DSCAM: variants seen among roughly 807,000 people sequenced by gnomAD.
The protein encoded by DSCAM is DS cell adhesion molecule.
Under a neutral mutation model 217.7 loss-of-function variants are expected in DSCAM, and 47 were observed. The observed-to-expected ratio is 0.22, with a 90% CI of 0.17 to 0.28. The LOEUF is 0.28. Ranked by LOEUF, DSCAM falls within the 10% of genes least tolerant of loss-of-function variation. The pLI, the probability that DSCAM is intolerant of heterozygous loss-of-function variation, is 1.00. For synonymous variants in DSCAM, 1,056 were observed against 1,015.3 expected (o/e 1.04, Z -0.76); for missense variants, 2,080 against 2,618.3 (o/e 0.79, Z 4.49).
intron 3 of DSCAM, among the ~76,000 whole-genome samples, chr21:40,550,972 A>ATT (rs1358621121): frequency 6.6e-6 from 1 of 152,236 alleles, no homozygotes; most frequent in Non-Finnish European, 1.5e-5. Flanking sequence ...TACAGTGTAG[A>ATT]TTACAGTCCC....
intron 3 of DSCAM, among the ~76,000 whole-genome samples, chr21:40,616,071 G>GT (rs2089389798): frequency 6.6e-6 from 1 of 151,946 alleles, no homozygotes; most frequent in Non-Finnish European, 1.5e-5. Flanking sequence ...ATTACCTTGT[G>GT]TATGAGTCAG....
At chr21:40,565,208 A>G (rs2146193742) in intron 3 of DSCAM, among the ~76,000 whole-genome samples, 1 of 152,308 alleles carries the variant, frequency 6.6e-6, no homozygotes, top group East Asian at 1.9e-4. Flanking sequence ...TGAATGGCCA[A>G]TGCGGCTAAT....
Position 40,118,760 on chromosome 21 carries a change from G to A in DSCAM, c.3696+5435C>T, listed in dbSNP as rs556553140. Among the ~76,000 whole-genome samples, 54 of 152,292 alleles carry A rather than the reference G, an allele frequency of 3.5e-4. 1 individual carries two copies. In the South Asian group the frequency reaches 9.9e-3, roughly 28 times the overall value. ...GTGTTCCAAGCAACCATCTCTGGCC[G>A]TATGTTTGAGTGACACCCAGTCCGC... is the stretch of plus-strand genomic sequence containing the variant. On this transcript the variant is annotated intron_variant, in intron 20 of 32. Transcript: ENST00000400454.
intron 1 of DSCAM, among the ~76,000 whole-genome samples, chr21:40,778,116 AG>A (rs1283283247): frequency 6.6e-6 from 1 of 152,224 alleles, no homozygotes; most frequent in Non-Finnish European, 1.5e-5. Flanking sequence ...TATGCCACAA[AG>A]AAACCTGAAA....
At chr21:40,187,041 T>C in intron 14 of DSCAM, 90 bp downstream of exon 14, 9 of 1,501,296 alleles carry the variant, frequency 6.0e-6, no homozygotes, top group Non-Finnish European at 8.1e-6. Flanking sequence ...TGAGCTGAGC[T>C]GTGCGCTTAC....
intron 32 of DSCAM, among the ~76,000 whole-genome samples, chr21:40,028,721 GCGCACCCACTGTC>G (rs2088450303): frequency 6.6e-6 from 1 of 152,022 alleles, no homozygotes. Context: ...CGCACAGTGT[GCGCACCCACTGTC>G]TGGCACTCCC....
intron 3 of DSCAM, among the ~76,000 whole-genome samples, chr21:40,435,545 C>CAAAAA (rs2083325707): frequency 1.5e-5 from 1 of 65,478 alleles, no homozygotes; most frequent in Non-Finnish European, 4.1e-5. Context: ...ACTGTATCTA[C>CAAAAA]CAAAAAAAAA....
At position 40,305,909 on chromosome 21, in the gene DSCAM, T is replaced by G. The variant is rs528992336; in HGVS notation, c.2062+6172A>C. 1.6e-4 allele frequency among the ~76,000 whole-genome samples: 25 copies of G among 152,332 alleles called. No individual in the cohort carries two copies. In the East Asian group the frequency reaches 4.4e-3, roughly 27 times the overall value. ...CAGCTTTGTTCTTTTGGCTTAGGAT[T>G]GACTTGGCGACGCGGGCTCTTTTTT... On this transcript the variant is annotated intron_variant, in intron 9 of 32. Transcript: ENST00000400454.
At chr21:40,028,310 T>A (rs532185746) in intron 32 of DSCAM, among the ~76,000 whole-genome samples, 1 of 96,666 alleles carries the variant, frequency 1.0e-5, no homozygotes, top group African/African-American at 3.9e-5. Context: ...TACTGCTGTC[T>A]TTTTGTTTGT....
intron 3 of DSCAM, among the ~76,000 whole-genome samples, chr21:40,611,441 A>T (rs2089313930): frequency 6.6e-6 from 1 of 152,170 alleles, no homozygotes; most frequent in African/African-American, 2.4e-5. Context: ...ATGAAATATC[A>T]ATGAGACAAT....
At chr21:40,584,002 G>C (rs2076925069) in intron 3 of DSCAM, among the ~76,000 whole-genome samples, 1 of 151,756 alleles carries the variant, frequency 6.6e-6, no homozygotes, top group African/African-American at 2.4e-5. Context: ...TCTGCATTAA[G>C]GAATGAGGCA....
chr21:40,112,990 A>G (rs2146640879), intron 20 of DSCAM, among the ~76,000 whole-genome samples: 1 of 152,356 alleles, frequency 6.6e-6, no homozygotes, highest in East Asian at 1.9e-4. Context: ...CAGAGGTACA[A>G]GGAGGAGCTG....
chr21:40,632,184 C>T (rs184399840), intron 3 of DSCAM, among the ~76,000 whole-genome samples: 1 of 152,220 alleles, frequency 6.6e-6, no homozygotes, highest in African/African-American at 2.4e-5. Flanking sequence ...GGTTCATGAG[C>T]CTGTCAGAAA....
At chr21:40,699,097 G>C (rs938995788) in intron 2 of DSCAM, among the ~76,000 whole-genome samples, 1 of 152,062 alleles carries the variant, frequency 6.6e-6, no homozygotes, top group Non-Finnish European at 1.5e-5. Flanking sequence ...TTGTGTCTCT[G>C]TGTCACATTT....
rs1001825819 is a variant in DSCAM, at chr21:40,056,933, G to C, written c.4920-1093C>G. ...CGAGTCCCAGGGCTGTGCCTCCACC[G>C]ATCCTTCCTTGTTAATGAGGACTCA... On this transcript the variant is annotated intron_variant, in intron 28 of 32. Coordinates refer to ENST00000400454, the MANE Select transcript of DSCAM (RefSeq NM_001389.5). Among the ~76,000 whole-genome samples the C allele has an allele frequency of 4.6e-5, 7 of 152,288 alleles. No individual in the cohort carries two copies. The South Asian group carries it at 1.0e-3, about 23-fold the overall frequency.
At chr21:40,502,364 G>C (rs2076176417) in intron 3 of DSCAM, among the ~76,000 whole-genome samples, 2 of 152,020 alleles carry the variant, frequency 1.3e-5, no homozygotes, top group African/African-American at 4.8e-5. Flanking sequence ...AACTGTATTA[G>C]TTTACTATTG....
chr21:40,726,936 C>T (rs1303719751), intron 1 of DSCAM, among the ~76,000 whole-genome samples: 1 of 152,104 alleles, frequency 6.6e-6, no homozygotes, highest in Non-Finnish European at 1.5e-5. Flanking sequence ...TCTGAGCTGG[C>T]ATACCCAGCC....
chr21:40,819,762 T>A (rs970782639), intron 1 of DSCAM, among the ~76,000 whole-genome samples: 1 of 152,210 alleles, frequency 6.6e-6, no homozygotes, highest in Admixed American at 6.5e-5. Context: ...CAGCTTGGTT[T>A]GGGTTCCAGC....
intron 3 of DSCAM, among the ~76,000 whole-genome samples, chr21:40,503,615 T>TC (rs1317732844): frequency 5.9e-5 from 9 of 152,344 alleles, no homozygotes; most frequent in African/African-American, 1.9e-4. Flanking sequence ...TGGGTTACCT[T>TC]ACCTCAGGTA....
Sources: allele counts gnomAD v4.1 joint callset (sites outside exome capture counted in the v4.1 genomes callset), GRCh38; gene constraint gnomAD v4.1.1; transcripts MANE v1.5; gene names NCBI Gene and HGNC (gene_info 2026-07-23, HGNC 2026-07-21).